The following LYST variants were observed in gnomAD, a reference collection of about 807,000 sequenced individuals.
LYST encodes the protein lysosomal-trafficking regulator.
Under a neutral mutation model 413.6 loss-of-function variants are expected in LYST, and 192 were observed. The ratio of observed to expected loss-of-function variants is 0.46; its 90% CI spans 0.41 to 0.52. LYST has a LOEUF of 0.52. Among genes scored for constraint, LYST ranks in the 20% least tolerant of loss-of-function variants. The pLI is 0.00. For synonymous variants in LYST, 1,525 were observed against 1,567.3 expected, an observed-to-expected ratio of 0.97 and a Z score of 0.64; for missense variants, 3,815 against 4,499.9, an observed-to-expected ratio of 0.85 and a Z score of 4.35.
Position 235,686,638 on chromosome 1 carries a change from C to T in LYST, c.10800+311G>A, listed in dbSNP as rs1308374618. ...AAGCTTTCAAACTGATAGACTCTTA[C>T]AGTATACTCCTAAGGATTCAGGTTG... On this transcript the variant is annotated intron_variant, in intron 48 of 52. Transcript: ENST00000389793. The surrounding 1 kb of genome is among the most constrained non-coding windows in gnomAD (Gnocchi z 4.0). Among the ~76,000 whole-genome samples the T allele has an allele frequency of 6.6e-6, 1 of 152,118 alleles. No homozygotes were observed. Among genetic ancestry groups the T allele is most frequent in the Non-Finnish European group, 1.5e-5 (1 of 68,038 alleles).
intron 43 of LYST, among the ~76,000 whole-genome samples, chr1:235,711,021 T>C (rs1182526329): frequency 2.0e-5 from 3 of 152,338 alleles, no homozygotes; most frequent in East Asian, 3.9e-4. Context: ...TGAGACACCC[T>C]GAGCTAAAAC....
chr1:235,860,713 C>G (rs1679764348), intron 1 of LYST, among the ~76,000 whole-genome samples: 1 of 152,142 alleles, frequency 6.6e-6, no homozygotes, highest in Non-Finnish European at 1.5e-5. Flanking sequence ...TAACAAACCA[C>G]ATATTTAAAG....
chr1:235,814,349 T>C (rs1472342099), intron 3 of LYST, among the ~76,000 whole-genome samples: 1 of 152,060 alleles, frequency 6.6e-6, no homozygotes. Context: ...TTAGGAGTAA[T>C]TGGGGTGGAA....
intron 31 of LYST, chr1:235,736,918 C>T (rs1002923091): frequency 7.2e-5 from 11 of 152,088 alleles, no homozygotes; most frequent in African/African-American, 2.4e-4. Flanking sequence ...AAGCTAGAAC[C>T]TCTCTGAATG....
chr1:235,707,364 C>T (rs1020830286), intron 44 of LYST, among the ~76,000 whole-genome samples: 3 of 152,234 alleles, frequency 2.0e-5, no homozygotes, highest in East Asian at 1.9e-4. Flanking sequence ...TGGTGGCTCA[C>T]GCCTGTAATC....
chr1:235,742,234 C>T (rs1257462134), intron 30 of LYST, among the ~76,000 whole-genome samples: 2 of 152,058 alleles, frequency 1.3e-5, no homozygotes, highest in Non-Finnish European at 2.9e-5. Flanking sequence ...GCAGGTGGAT[C>T]ACCTGAGGTC....
intron 21 of LYST, 53 bp downstream of exon 21, chr1:235,766,026 G>T (rs759108762): frequency 7.7e-5 from 100 of 1,298,404 alleles, no homozygotes; most frequent in Admixed American, 2.0e-4. Context: ...CAAGTGGGAA[G>T]AATAAAACAA....
intron 44 of LYST, among the ~76,000 whole-genome samples, chr1:235,707,545 C>T (rs1662086928): frequency 2.0e-5 from 3 of 152,116 alleles, no homozygotes; most frequent in Non-Finnish European, 4.4e-5. Context: ...ATTGCTTGAA[C>T]CTGGGAGGTG....
chr1:235,793,322 G>T lies in LYST; in HGVS notation c.4116+181C>A, dbSNP rs575808799. Among the ~76,000 whole-genome samples the T allele has an allele frequency of 2.6e-5, 4 of 152,082 alleles. No individual in the cohort carries two copies. The South Asian group carries it at 8.3e-4, about 32-fold the overall frequency. On this transcript the variant is annotated intron_variant, in intron 11 of 52. Coordinates refer to ENST00000389793, the MANE Select transcript of LYST (RefSeq NM_000081.4). Reference sequence around the variant, plus strand: ...TGGTTAATCCAAATTGAAGTGAAATGGTTAAAATATATGCAAATAATTGAG... The same window carrying T: ...TGGTTAATCCAAATTGAAGTGAAATTGTTAAAATATATGCAAATAATTGAG...
rs542677660 is a variant in LYST at position 235,779,524 on chromosome 1, T to C, written c.5214+1341A>G. Among the ~76,000 whole-genome samples the C allele has an allele frequency of 2.0e-5, 3 of 152,252 alleles. No individual in the cohort carries two copies. In the South Asian group the frequency reaches 6.2e-4, roughly 32 times the overall value. Reference sequence around the variant, plus strand: ...CCTAGGAACTTCTTAAAAATGTAAATTCCAGGGTCACACTTCAGACCTACT... The same window carrying C: ...CCTAGGAACTTCTTAAAAATGTAAACTCCAGGGTCACACTTCAGACCTACT... On this transcript the variant is annotated intron_variant, in intron 16 of 52. Coordinates refer to ENST00000389793, the MANE Select transcript of LYST (RefSeq NM_000081.4).
At chr1:235,853,624 C>T (rs765668775) in intron 1 of LYST, among the ~76,000 whole-genome samples, 3 of 152,120 alleles carry the variant, frequency 2.0e-5, no homozygotes, top group Admixed American at 6.5e-5. Flanking sequence ...AACAACATTG[C>T]CTATTTCGCT....
chr1:235,683,098 T>C (rs1452825165), intron 48 of LYST, among the ~76,000 whole-genome samples: 1 of 152,212 alleles, frequency 6.6e-6, no homozygotes, highest in Admixed American at 6.5e-5. Context: ...GAGTAACAGT[T>C]ATGGGTAAAC....
chr1:235,757,236 T>G, intron 24 of LYST, 45 bp downstream of exon 24: 1 of 1,327,526 alleles, frequency 7.5e-7, no homozygotes, highest in Non-Finnish European at 1.1e-6. Context: ...TACATATATA[T>G]TTATTTTTCT....
chr1:235,720,905 C>A lies in LYST; in HGVS notation c.9316G>T (p.Val3106Phe). The stretch of plus-strand genomic sequence containing the variant: ...ATATTGTGGTATACATCATCACGAA[C>A]CTAAAAGGGAAGGAGAAGAAAAAAA... ...TLLLAFDNTK[V>F]RDDVYHNILT... The change falls in exon 40 of 53, where the codon GTT becomes TTT. Residue 3106 changes from valine to phenylalanine, a missense_variant and splice_region_variant. Around this residue, in one of 4 missense-constraint regions of LYST, gnomAD observed 866 missense variants for 1,156.0 expected, o/e 0.75. Transcript: ENST00000389793. 1 of 1,613,380 alleles carries A rather than the reference C, an allele frequency of 6.2e-7. No individual in the cohort carries two copies. The highest frequency in any genetic ancestry group is 8.5e-7 in the Non-Finnish European group (1 of 1,179,596).
chr1:235,788,036 T>C (rs1164689318), intron 13 of LYST, among the ~76,000 whole-genome samples: 1 of 152,214 alleles, frequency 6.6e-6, no homozygotes, highest in Non-Finnish European at 1.5e-5. Flanking sequence ...CTTATGTCTG[T>C]TAATAACATC....
upstream of LYST, among the ~76,000 whole-genome samples, chr1:235,869,490 TA>T (rs1207523256): frequency 6.6e-6 from 1 of 152,072 alleles, no homozygotes; most frequent in East Asian, 1.9e-4. Context: ...AAATAATAAT[TA>T]AAAAAGCTCT....
intron 46 of LYST, among the ~76,000 whole-genome samples, chr1:235,694,011 CTT>C (rs11389709): frequency 1.1e-4 from 15 of 135,588 alleles, no homozygotes; most frequent in Admixed American, 1.5e-4. Flanking sequence ...TCTTCTTCTT[CTT>C]TTTTTTTTTT....
chr1:235,846,786 C>T (rs533998925), intron 1 of LYST, among the ~76,000 whole-genome samples: 17 of 151,938 alleles, frequency 1.1e-4, no homozygotes, highest in Non-Finnish European at 2.2e-4. Context: ...ATTCAGAGCT[C>T]GAAGACAAGG....
At chr1:235,690,210 T>C (rs1283866733) in intron 47 of LYST, among the ~76,000 whole-genome samples, 1 of 152,248 alleles carries the variant, frequency 6.6e-6, no homozygotes, top group Non-Finnish European at 1.5e-5. Context: ...AGCAATGAGT[T>C]AAATCTGCTC....
Sources: gnomAD v4.1 joint callset for allele counts (sites outside exome capture counted in the v4.1 genomes callset) on GRCh38, gnomAD v4.1.1 for gene constraint, gnomAD v4.1.1 regional missense constraint, Gnocchi (gnomAD v3.1) non-coding constraint, MANE v1.5 for transcripts, NCBI Gene and HGNC (gene_info 2026-07-23, HGNC 2026-07-21) for gene names.